RANBP17: variants seen among roughly 807,000 people sequenced by gnomAD.
RANBP17 encodes the protein RAN binding protein 17.
A neutral mutation model predicts 141.2 loss-of-function variants in RANBP17; 158 were observed. That is an observed-to-expected ratio of 1.12 (90% confidence interval 0.98 to 1.28). RANBP17 has a LOEUF of 1.28. RANBP17 is among the 50% of genes most tolerant of loss of function. The pLI, the probability that RANBP17 is intolerant of heterozygous loss-of-function variation, is 0.00. For synonymous variants in RANBP17, 430 were observed against 450.0 expected, an observed-to-expected ratio of 0.96 and a Z score of 0.56; for missense variants, 1,438 against 1,290.7, an observed-to-expected ratio of 1.11 and a Z score of -1.75.
intron 14 of RANBP17, among the ~76,000 whole-genome samples, chr5:171,137,740 A>T (rs1757411261): frequency 6.6e-6 from 1 of 151,930 alleles, no homozygotes; most frequent in Admixed American, 6.6e-5. Context: ...ATTGCATGTA[A>T]CATTTATAAT....
At chr5:170,945,864 A>T (rs141412113) in intron 12 of RANBP17, among the ~76,000 whole-genome samples, 1 of 152,176 alleles carries the variant, frequency 6.6e-6, no homozygotes, top group East Asian at 1.9e-4. Flanking sequence ...CCCAAAGCAT[A>T]TGCAGTCTCA....
At chr5:171,257,834 G>A (rs977712340) in intron 24 of RANBP17, among the ~76,000 whole-genome samples, 5 of 152,024 alleles carry the variant, frequency 3.3e-5, no homozygotes, top group South Asian at 2.1e-4. Context: ...AGCCAGGCAC[G>A]GTGGCTCACG....
rs189162138 is a variant in RANBP17, at chr5:170,907,122, C to G, written c.490-2539C>G. Among the ~76,000 whole-genome samples, 199 of 151,908 alleles carry G rather than the reference C, an allele frequency of 1.3e-3. 1 individual carries two copies. Among genetic ancestry groups the G allele is most frequent in the African/African-American group, 4.7e-3 (194 of 41,508 alleles). The stretch of plus-strand genomic sequence containing the variant: ...GTAGTATCCATAACAGGATGTGTCT[C>G]TTAAGAAAAAGAACTACACTTGAGT... On this transcript the variant is annotated intron_variant, in intron 5 of 27. Coordinates refer to ENST00000523189, the MANE Select transcript of RANBP17 (RefSeq NM_022897.5).
intron 14 of RANBP17, 91 bp from the exon 15 acceptor site, chr5:171,170,039 T>C: frequency 1.6e-6 from 1 of 609,864 alleles, no homozygotes; most frequent in Non-Finnish European, 2.8e-6. Flanking sequence ...GATACCACAG[T>C]GCATTAAATC....
chr5:171,047,573 T>G lies in RANBP17; in HGVS notation c.1710+79196T>G, dbSNP rs570731092. 2.1e-3 allele frequency among the ~76,000 whole-genome samples: 320 copies of G among 151,824 alleles called. 2 individuals carry two copies. Among genetic ancestry groups the G allele is most frequent in the African/African-American group, 7.2e-3 (296 of 41,386 alleles). On this transcript the variant is annotated intron_variant, in intron 14 of 27. Coordinates refer to ENST00000523189, the MANE Select transcript of RANBP17 (RefSeq NM_022897.5). ...GTTCTGCCTCAGCCTCCTGAGTAGC[T>G]GGGATTACAGGCGCATGCCACCACA...
chr5:171,186,779 G>A (rs558677349), intron 18 of RANBP17, among the ~76,000 whole-genome samples: 4 of 151,612 alleles, frequency 2.6e-5, no homozygotes, highest in African/African-American at 4.8e-5. Context: ...CTCGTGATCC[G>A]CCCGCCTCGG....
intron 14 of RANBP17, among the ~76,000 whole-genome samples, chr5:171,027,091 C>T (rs141794446): frequency 2.0e-5 from 3 of 152,230 alleles, no homozygotes; most frequent in Admixed American, 6.5e-5. Context: ...CCCCACTATC[C>T]GTCCAGGGAA....
intron 14 of RANBP17, among the ~76,000 whole-genome samples, chr5:170,994,469 T>C (rs1314727216): frequency 1.3e-5 from 2 of 152,068 alleles, no homozygotes; most frequent in Non-Finnish European, 2.9e-5. Flanking sequence ...GGATCATACG[T>C]GAAAAGGTCC....
At chr5:171,082,382 G>C (rs1369956818) in intron 14 of RANBP17, among the ~76,000 whole-genome samples, 2 of 152,162 alleles carry the variant, frequency 1.3e-5, no homozygotes, top group African/African-American at 4.8e-5. Flanking sequence ...CAGTTGATCA[G>C]TTCGAATAGG....
chr5:171,112,657 AG>A (rs145013687), intron 14 of RANBP17, among the ~76,000 whole-genome samples: 6,931 of 152,060 alleles, frequency 0.046, 188 homozygotes, highest in East Asian at 0.11. Context: ...TCTCTTAAAG[AG>A]TTCTTATAAC....
intron 13 of RANBP17, among the ~76,000 whole-genome samples, chr5:170,955,668 A>ATGCTCAGTG (rs70982315): frequency 3.1e-5 from 2 of 64,812 alleles, no homozygotes; most frequent in Admixed American, 1.9e-4. Context: ...ATATATATAT[A>ATGCTCAGTG]TATATATATA....
chr5:171,037,619 G>T (rs1369957354), intron 14 of RANBP17, among the ~76,000 whole-genome samples: 2 of 151,792 alleles, frequency 1.3e-5, no homozygotes, highest in Non-Finnish European at 2.9e-5. Context: ...TTTGTATATG[G>T]TATATACAGC....
Position 171,299,119 on chromosome 5 carries a change from T to A in RANBP17, c.*261T>A. 2.8e-6 allele frequency: 1 copy of A among 360,450 alleles called. No homozygotes were observed. Among genetic ancestry groups the A allele is most frequent in the East Asian group, 4.2e-5 (1 of 23,876 alleles). 22.3% of individuals were successfully genotyped at this position (360,450 alleles called of 1,614,324 possible). A position where few individuals can be genotyped will look rare whatever the true frequency, so the allele number is the denominator to read the frequency against. On this transcript the variant is annotated 3_prime_UTR_variant, in exon 28 of 28. Transcript: ENST00000523189. Reference sequence around the variant, plus strand: ...AATATTATCTTTGTTCTCCTAATGCTCTGAAAGGATGTAGAAACAATATTT... The same window carrying A: ...AATATTATCTTTGTTCTCCTAATGCACTGAAAGGATGTAGAAACAATATTT...
At chr5:171,033,451 C>T (rs6866642) in intron 14 of RANBP17, among the ~76,000 whole-genome samples, 7,351 of 152,140 alleles carry the variant, frequency 0.048, 457 homozygotes, top group African/African-American at 0.13. Flanking sequence ...GTAGAACTTA[C>T]TGTAGTTATA....
At chr5:171,129,780 A>G (rs1045974494) in intron 14 of RANBP17, among the ~76,000 whole-genome samples, 2 of 152,212 alleles carry the variant, frequency 1.3e-5, no homozygotes, top group Non-Finnish European at 2.9e-5. Flanking sequence ...ACTTTGTCCT[A>G]GACTGACCCA....
rs1488942682 is a variant in RANBP17, at chr5:170,897,362, T to TTCTTC, written c.489+1248_489+1249insCTTCT. 2.3e-3 allele frequency: 1,138 copies of TTCTTC among 493,160 alleles called. 2 individuals carry two copies. Among genetic ancestry groups the TTCTTC allele is most frequent in the Non-Finnish European group, 3.7e-3 (960 of 262,944 alleles). The allele number at this position is 493,160 out of a possible 1,614,324, so 30.5% of individuals were successfully genotyped here. A position where few individuals can be genotyped will look rare whatever the true frequency, so the allele number is the denominator to read the frequency against. ...CACATTTCTTCTTCTTCTTCTTCTT[T>TTCTTC]TTTTTTTTTAAATATTCCATTGCGC... On this transcript the variant is annotated intron_variant, in intron 5 of 27. Transcript: ENST00000523189.
chr5:171,048,326 C>T (rs1782728776), intron 14 of RANBP17, among the ~76,000 whole-genome samples: 1 of 152,144 alleles, frequency 6.6e-6, no homozygotes, highest in Non-Finnish European at 1.5e-5. Context: ...TTTCAAAGTG[C>T]TGGAATTATA....
At position 171,293,873 on chromosome 5, in the gene RANBP17, T is replaced by C; in HGVS notation, c.2944-10T>C. ...AGGCATCTCAATCTTTATGTGATTC[T>C]ATCTTCTAGATGATGTCTGTCCTCA... On this transcript the variant is annotated splice_polypyrimidine_tract_variant and intron_variant, in intron 25 of 27. Transcript: ENST00000523189. 1 of 1,603,804 alleles carries C rather than the reference T, an allele frequency of 6.2e-7. No individual in the cohort carries two copies. Among genetic ancestry groups the C allele is most frequent in the Non-Finnish European group, 8.5e-7 (1 of 1,170,730 alleles).
intron 12 of RANBP17, among the ~76,000 whole-genome samples, chr5:170,945,070 G>A (rs374095771): frequency 7.4e-4 from 112 of 152,104 alleles, no homozygotes; most frequent in African/African-American, 2.6e-3. Context: ...TATATCCCTA[G>A]CACAGAACAT....
Sources: gnomAD v4.1 joint callset for allele counts (sites outside exome capture counted in the v4.1 genomes callset) on GRCh38, gnomAD v4.1.1 for gene constraint, MANE v1.5 for transcripts, NCBI Gene and HGNC (gene_info 2026-07-23, HGNC 2026-07-21) for gene names.